CSMD1: variants seen among roughly 807,000 people sequenced by gnomAD.
CSMD1 encodes CUB and Sushi multiple domains 1.
A neutral mutation model predicts 417.5 loss-of-function variants in CSMD1; 213 were observed. The observed-to-expected ratio is 0.51, with a 90% CI of 0.46 to 0.57. The LOEUF is 0.57. Ranked by LOEUF, CSMD1 falls within the 20% of genes least tolerant of loss-of-function variation. The probability of loss-of-function intolerance (pLI) is 0.00; values close to 1 mark genes in which losing one functional copy is unlikely to be tolerated. For missense variants in CSMD1, 6,923 were observed against 4,529.7 expected, an observed-to-expected ratio of 1.53 and a Z score of -15.17; for synonymous variants, 2,862 against 1,736.8, an observed-to-expected ratio of 1.65 and a Z score of -16.11.
At chr8:3,577,658 C>T (rs1048303456) in intron 9 of CSMD1, among the ~76,000 whole-genome samples, 1 of 152,212 alleles carries the variant, frequency 6.6e-6, no homozygotes, top group African/African-American at 2.4e-5. Flanking sequence ...CCTTAAGTCA[C>T]ATAACCTAAC....
At chr8:3,697,611 G>C (rs1800626316) in intron 7 of CSMD1, among the ~76,000 whole-genome samples, 1 of 152,038 alleles carries the variant, frequency 6.6e-6, no homozygotes, top group Admixed American at 6.6e-5. Context: ...TCCCCCTTCT[G>C]ACTGCTGCTG....
intron 68 of CSMD1, among the ~76,000 whole-genome samples, chr8:2,948,938 T>G (rs891949155): frequency 1.3e-5 from 2 of 152,050 alleles, no homozygotes; most frequent in Admixed American, 1.3e-4. Context: ...TCTTTTTATA[T>G]GTTTGTTGGC....
intron 3 of CSMD1, among the ~76,000 whole-genome samples, chr8:4,240,385 C>T (rs17069699): frequency 2.0e-5 from 3 of 152,210 alleles, no homozygotes; most frequent in Non-Finnish European, 4.4e-5. Context: ...ATTTTGCAGG[C>T]ATCACAGTTG....
At chr8:3,181,613 A>G (rs1250502586) in intron 36 of CSMD1, among the ~76,000 whole-genome samples, 1 of 152,186 alleles carries the variant, frequency 6.6e-6, no homozygotes, top group Non-Finnish European at 1.5e-5. Flanking sequence ...CCCTGTGGAT[A>G]GTGATCTGAC....
intron 2 of CSMD1, among the ~76,000 whole-genome samples, chr8:4,502,895 A>G (rs1802329536): frequency 6.6e-6 from 1 of 152,044 alleles, no homozygotes; most frequent in South Asian, 2.1e-4. Context: ...AAACAGATCA[A>G]CCAATTCCTT....
intron 41 of CSMD1, among the ~76,000 whole-genome samples, chr8:3,120,017 T>A (rs949301417): frequency 1.3e-4 from 20 of 152,292 alleles, no homozygotes; most frequent in Admixed American, 4.6e-4. Flanking sequence ...ATGTGTAAAT[T>A]CCTTAACCAT....
intron 5 of CSMD1, among the ~76,000 whole-genome samples, chr8:3,919,720 G>C (rs529564545): frequency 2.0e-5 from 3 of 152,126 alleles, no homozygotes; most frequent in African/African-American, 7.2e-5. Context: ...AGATGACTTT[G>C]CGTAGTATGG....
intron 4 of CSMD1, among the ~76,000 whole-genome samples, chr8:4,024,617 T>C (rs1015855384): frequency 1.3e-5 from 2 of 152,138 alleles, no homozygotes; most frequent in African/African-American, 4.8e-5. Context: ...TTAAGGTTCT[T>C]TGAGGTACAA....
Position 3,526,571 on chromosome 8 carries a change from T to C in CSMD1, c.1345-32845A>G, listed in dbSNP as rs546390886. On this transcript the variant is annotated intron_variant, in intron 10 of 69. Coordinates refer to ENST00000635120, the MANE Select transcript of CSMD1 (RefSeq NM_033225.6). ...CCCCAGAGTGTCACTAATGCATCATTGCCTGTGTTTATTCTAGGGCAATGT... is the reference window on the plus strand; with the variant it reads ...CCCCAGAGTGTCACTAATGCATCATCGCCTGTGTTTATTCTAGGGCAATGT... Among the ~76,000 whole-genome samples the C allele has an allele frequency of 6.6e-5, 10 of 152,322 alleles. No individual in the cohort carries two copies. The South Asian group carries it at 1.2e-3, about 19-fold the overall frequency.
chr8:4,209,308 A>G (rs528169563), intron 3 of CSMD1, among the ~76,000 whole-genome samples: 1 of 152,130 alleles, frequency 6.6e-6, no homozygotes, highest in Non-Finnish European at 1.5e-5. Context: ...AGTGGTTCCC[A>G]TCTATGAGAC....
At chr8:4,108,837 A>T (rs934340021) in intron 3 of CSMD1, among the ~76,000 whole-genome samples, 4 of 152,244 alleles carry the variant, frequency 2.6e-5, no homozygotes, top group African/African-American at 7.2e-5. Flanking sequence ...AGAGTTCTGC[A>T]TATGCATGCA....
Position 3,214,700 on chromosome 8 carries a change from G to T in CSMD1, c.4673-9C>A, listed in dbSNP as rs1314971898. On this transcript the variant is annotated splice_polypyrimidine_tract_variant and intron_variant, in intron 29 of 69. Coordinates refer to ENST00000635120, the MANE Select transcript of CSMD1 (RefSeq NM_033225.6). The stretch of plus-strand genomic sequence containing the variant: ...AGCTTCCCGTGGTTTCTCTGTGGAA[G>T]AAATGAATGTAAACTGCATGAGAGC... 6.5e-7 allele frequency: 1 copy of T among 1,546,442 alleles called. No individual in the cohort carries two copies. The highest frequency in any genetic ancestry group is 1.2e-5 in the South Asian group (1 of 83,322).
At chr8:4,762,329 A>G (rs576611471) in intron 1 of CSMD1, among the ~76,000 whole-genome samples, 1 of 152,226 alleles carries the variant, frequency 6.6e-6, no homozygotes, top group South Asian at 2.1e-4. Context: ...AACATTTAAT[A>G]AGTTTATATT....
chr8:3,201,558 T>G (rs1796993771), intron 32 of CSMD1, 54 bp downstream of exon 32: 4 of 903,146 alleles, frequency 4.4e-6, no homozygotes. Flanking sequence ...AAGTTAAAAA[T>G]TAATCCCCCT....
At chr8:3,355,802 C>A (rs552246228) in intron 21 of CSMD1, among the ~76,000 whole-genome samples, 213 of 152,180 alleles carry the variant, frequency 1.4e-3, no homozygotes, top group Middle Eastern at 6.8e-3. Flanking sequence ...TTGACTTAAG[C>A]CAATGTGGGC....
chr8:4,383,637 T>G (rs1483896916), intron 3 of CSMD1, among the ~76,000 whole-genome samples: 1 of 152,160 alleles, frequency 6.6e-6, no homozygotes, highest in Admixed American at 6.5e-5. Context: ...GAATCAACTA[T>G]GTACTTCAGT....
chr8:4,948,239 G>A (rs542022236), intron 1 of CSMD1, among the ~76,000 whole-genome samples: 3 of 151,896 alleles, frequency 2.0e-5, no homozygotes, highest in East Asian at 3.9e-4. Context: ...ATAGTATCAA[G>A]GTTTTAATTT....
At chr8:4,148,446 C>G (rs1201482409) in intron 3 of CSMD1, among the ~76,000 whole-genome samples, 1 of 151,842 alleles carries the variant, frequency 6.6e-6, no homozygotes, top group Non-Finnish European at 1.5e-5. Context: ...TGCAGCACAC[C>G]AACATGGCAC....
chr8:3,059,140 A>C (rs1335709354), intron 49 of CSMD1, among the ~76,000 whole-genome samples: 2 of 151,918 alleles, frequency 1.3e-5, no homozygotes, highest in African/African-American at 2.4e-5. Context: ...AGGTCTCCCC[A>C]TCCCATCAAA....
Sources: gnomAD v4.1 joint callset for allele counts (sites outside exome capture counted in the v4.1 genomes callset) on GRCh38, gnomAD v4.1.1 for gene constraint, MANE v1.5 for transcripts, NCBI Gene and HGNC (gene_info 2026-07-23, HGNC 2026-07-21) for gene names.